FHIP1A: variants seen among roughly 807,000 people sequenced by gnomAD.
FHIP1A encodes the protein FHF complex subunit HOOK-interacting protein 1A.
FHIP1A carries 61 observed loss-of-function variants against 88.6 expected under a neutral mutation model. That is an observed-to-expected ratio of 0.69 (90% CI 0.56 to 0.85). The LOEUF is 0.85. FHIP1A is among the 40% of genes least tolerant of loss of function. FHIP1A has a pLI of 0.00. For missense variants in FHIP1A, 1,154 were observed against 1,273.5 expected (o/e 0.91, Z 1.43); for synonymous variants, 478 against 496.0 (o/e 0.96, Z 0.48).
At chr4:151,505,724 C>T (rs904684766) in intron 3 of FHIP1A, among the ~76,000 whole-genome samples, 1 of 152,080 alleles carries the variant, frequency 6.6e-6, no homozygotes, top group Admixed American at 6.6e-5. Flanking sequence ...AGCCTGTAGT[C>T]CCACCTACTC....
At chr4:151,548,285 A>G (rs1480936371) in intron 3 of FHIP1A, among the ~76,000 whole-genome samples, 1 of 152,200 alleles carries the variant, frequency 6.6e-6, no homozygotes, top group East Asian at 1.9e-4. Flanking sequence ...TCAGAGTAAT[A>G]TTTAATAAGC....
At chr4:151,534,822 A>G (rs1255454789) in intron 3 of FHIP1A, 4 of 152,224 alleles carry the variant, frequency 2.6e-5, no homozygotes, top group African/African-American at 7.2e-5. Flanking sequence ...GTCCGTTTAC[A>G]TCAAAAGCCT....
intron 1 of FHIP1A, among the ~76,000 whole-genome samples, chr4:151,417,413 G>A (rs1732936221): frequency 6.6e-6 from 1 of 152,204 alleles, no homozygotes; most frequent in African/African-American, 2.4e-5. Context: ...GTTGTGGAAA[G>A]TGACCAATCA....
intron 7 of FHIP1A, among the ~76,000 whole-genome samples, chr4:151,627,086 G>T (rs62327275): frequency 0.26 from 39,692 of 152,102 alleles, 5,830 homozygotes; most frequent in Non-Finnish European, 0.33. Flanking sequence ...GAAGAAGGGA[G>T]CCAGATTTTC....
chr4:151,462,881 G>A (rs550792865), intron 2 of FHIP1A, among the ~76,000 whole-genome samples: 2 of 152,336 alleles, frequency 1.3e-5, no homozygotes, highest in African/African-American at 4.8e-5. Context: ...GACTTACTGA[G>A]AGATGACTTA....
rs372045409 is a variant in FHIP1A, at chr4:151,558,428, C to T, written c.-122-7710C>T. 4.2e-4 allele frequency among the ~76,000 whole-genome samples: 64 copies of T among 151,964 alleles called. No individual in the cohort carries two copies. The South Asian group carries it at 0.013, about 30-fold the overall frequency. On this transcript the variant is annotated intron_variant, in intron 3 of 13. Transcript: ENST00000435205. ...GTGCACGCCTGTATTCCCAGCTACT[C>T]GGAGGCTGAGGCATGAGAATCGCTT...
intron 1 of FHIP1A, among the ~76,000 whole-genome samples, chr4:151,441,627 A>G (rs1319945797): frequency 2.0e-5 from 3 of 152,162 alleles, no homozygotes; most frequent in Admixed American, 6.6e-5. Flanking sequence ...TTCATTCTTC[A>G]GGGTCTCAGA....
chr4:151,628,667 G>A lies in FHIP1A; in HGVS notation c.979-1035G>A, dbSNP rs140839096. Among the ~76,000 whole-genome samples, 6 of 152,252 alleles carry A rather than the reference G, an allele frequency of 3.9e-5. No homozygotes were observed. The East Asian group carries it at 9.6e-4, about 24-fold the overall frequency. ...ATTGCCATCTGTTTTGTTTAAAATC[G>A]AGTGCATTTGACTCATGGTGGAGGG... is the stretch of plus-strand genomic sequence containing the variant. On this transcript the variant is annotated intron_variant, in intron 7 of 13. Coordinates refer to ENST00000435205, the MANE Select transcript of FHIP1A (RefSeq NM_001109977.3).
chr4:151,529,758 T>G (rs1731804223), intron 3 of FHIP1A, among the ~76,000 whole-genome samples: 2 of 152,184 alleles, frequency 1.3e-5, no homozygotes, highest in Non-Finnish European at 2.9e-5. Flanking sequence ...TATCCCCATT[T>G]TGAAACTGAG....
intron 1 of FHIP1A, among the ~76,000 whole-genome samples, chr4:151,416,856 T>C (rs1012264024): frequency 3.9e-5 from 6 of 152,186 alleles, no homozygotes; most frequent in African/African-American, 1.4e-4. Flanking sequence ...CAATTTGGGC[T>C]CATTGCAGCC....
rs931961825 is a variant in FHIP1A, at chr4:151,588,775, GTTTTA to G, written c.892-59_892-55del. The G allele has an allele frequency of 2.6e-5, 27 of 1,035,904 alleles. 1 individual carries two copies. In the East Asian group the frequency reaches 3.6e-4, roughly 14 times the overall value. 64.2% of individuals were successfully genotyped at this position (1,035,904 alleles called of 1,614,324 possible). On this transcript the variant is annotated intron_variant, in intron 6 of 13. Transcript: ENST00000435205. ...TTGAGTTCAGGATGTACACAGAATT[GTTTTA>G]TTTTAAGAACTGAAGATTGAACTCT...
chr4:151,412,746 G>A (rs1340328027), intron 1 of FHIP1A, among the ~76,000 whole-genome samples: 1 of 144,968 alleles, frequency 6.9e-6, no homozygotes, highest in Admixed American at 6.9e-5. Flanking sequence ...GTGCAATGGC[G>A]TGATCTCAGC....
intron 2 of FHIP1A, among the ~76,000 whole-genome samples, chr4:151,475,832 A>G (rs1316843776): frequency 6.6e-6 from 1 of 152,112 alleles, no homozygotes; most frequent in Non-Finnish European, 1.5e-5. Context: ...TTTTTATAGA[A>G]AAGGCATTTG....
intron 2 of FHIP1A, among the ~76,000 whole-genome samples, chr4:151,481,699 G>A (rs1729901591): frequency 6.6e-6 from 1 of 152,018 alleles, no homozygotes; most frequent in Admixed American, 6.6e-5. Flanking sequence ...CTTAAAAAAT[G>A]TACTCTCTTG....
At chr4:151,512,319 A>G (rs2126679336) in intron 3 of FHIP1A, among the ~76,000 whole-genome samples, 1 of 152,372 alleles carries the variant, frequency 6.6e-6, no homozygotes, top group African/African-American at 2.4e-5. Flanking sequence ...AAAAGTAGAT[A>G]AAACCACAAA....
chr4:151,651,957 A>G (rs1239668277), intron 11 of FHIP1A, among the ~76,000 whole-genome samples: 1 of 152,196 alleles, frequency 6.6e-6, no homozygotes, highest in African/African-American at 2.4e-5. Context: ...TTCCCAGTTG[A>G]TAAGGGGGAC....
chr4:151,511,676 C>A (rs1405702116), intron 3 of FHIP1A, among the ~76,000 whole-genome samples: 2 of 152,240 alleles, frequency 1.3e-5, no homozygotes, highest in African/African-American at 4.8e-5. Flanking sequence ...CAGAGTCTCG[C>A]TGATTGCTAG....
chr4:151,442,291 CAG>C (rs1198298876), intron 1 of FHIP1A, among the ~76,000 whole-genome samples: 4 of 151,804 alleles, frequency 2.6e-5, no homozygotes, highest in Non-Finnish European at 5.9e-5. Flanking sequence ...CTGTTTTAGT[CAG>C]AGTTTGTTGG....
At chr4:151,596,708 G>A (rs1467809333) in intron 7 of FHIP1A, among the ~76,000 whole-genome samples, 1 of 152,060 alleles carries the variant, frequency 6.6e-6, no homozygotes, top group Non-Finnish European at 1.5e-5. Context: ...TTTCTTGGAG[G>A]CTTTGTTCAT....
Sources: gnomAD v4.1 joint callset for allele counts (sites outside exome capture counted in the v4.1 genomes callset) on GRCh38, gnomAD v4.1.1 for gene constraint, MANE v1.5 for transcripts, NCBI Gene and HGNC (gene_info 2026-07-23, HGNC 2026-07-21) for gene names.